Variants in SVEP1 observed in about 807,000 individuals in gnomAD.
SVEP1 encodes the protein sushi, von Willebrand factor type A, EGF and pentraxin domain-containing protein 1.
In SVEP1, 164 loss-of-function variants were observed where a neutral mutation model predicts 367.3. That is an observed-to-expected ratio of 0.45 (90% confidence interval 0.39 to 0.51). The LOEUF is 0.51. Among genes scored for constraint, SVEP1 ranks in the 20% least tolerant of loss-of-function variants. The pLI, the probability that SVEP1 is intolerant of heterozygous loss-of-function variation, is 0.00. For missense variants in SVEP1, 4,117 were observed against 4,425.3 expected (o/e 0.93, Z 1.98); for synonymous variants, 1,666 against 1,611.6 (o/e 1.03, Z -0.81).
Position 110,411,744 on chromosome 9 carries a change from T to C in SVEP1, c.5976-9A>G, listed in dbSNP as rs775384620. The C allele has an allele frequency of 4.0e-6, 6 of 1,505,330 alleles. No homozygotes were observed. The highest frequency in any genetic ancestry group is 1.3e-5 in the South Asian group (1 of 76,348). The allele number at this position is 1,505,330 out of a possible 1,614,324, so 93.2% of individuals were successfully genotyped here. ...GACCAGCAAGAGTATAGCTGTGAGGTTGGGAAGAAAGAAAGAATAACTAAG... is the reference window on the plus strand; with the variant it reads ...GACCAGCAAGAGTATAGCTGTGAGGCTGGGAAGAAAGAAAGAATAACTAAG... On this transcript the variant is annotated splice_polypyrimidine_tract_variant and intron_variant, in intron 36 of 47. Coordinates refer to ENST00000374469, the MANE Select transcript of SVEP1 (RefSeq NM_153366.4).
intron 43 of SVEP1, among the ~76,000 whole-genome samples, chr9:110,380,924 A>C (rs76332879): frequency 6.6e-6 from 1 of 151,992 alleles, no homozygotes; most frequent in Non-Finnish European, 1.5e-5. Flanking sequence ...TTGGAAGGGT[A>C]TATCTGTCTA....
At chr9:110,571,079 C>A (rs191067568) in intron 1 of SVEP1, among the ~76,000 whole-genome samples, 2 of 149,688 alleles carry the variant, frequency 1.3e-5, no homozygotes, top group African/African-American at 4.9e-5. Context: ...CAGGTTCAAG[C>A]GATTTTCCTG....
chr9:110,394,024 C>T (rs142040882), intron 40 of SVEP1, among the ~76,000 whole-genome samples: 9,001 of 152,274 alleles, frequency 0.059, 363 homozygotes, highest in African/African-American at 0.11. Context: ...TCTCCCAGCA[C>T]GCAGCTTGAG....
Position 110,408,243 on chromosome 9 carries a change from C to A in SVEP1, c.7357G>T (p.Val2453Leu). ...PEEIPNGIID[V>L]QGLAYLSTAL... ...GTGCTGAGATAGGCAAGGCCTTGCA[C>A]ATCAATGATTCCATTGGGGATTTCC... Residue 2453 changes from valine (V) to leucine (L), a missense_variant, in exon 38 of 48, where the codon GTG becomes TTG. Physicochemically the swap from Val to Leu is conservative, Grantham distance 32. Around this residue, in one of 4 missense-constraint regions of SVEP1, gnomAD observed 1,765 missense variants for 1,781.1 expected, o/e 0.99. Transcript: ENST00000374469. The A allele has an allele frequency of 1.2e-6, 2 of 1,613,974 alleles. No individual in the cohort carries two copies. The highest frequency in any genetic ancestry group is 3.3e-4 in the Middle Eastern group (2 of 6,062).
In SVEP1 at chr9:110,432,700, G is replaced by C. The variant is rs1564141239; in HGVS notation, c.5060-65C>G. On this transcript the variant is annotated intron_variant, in intron 30 of 47. Transcript: ENST00000374469. ...AAAATACTCCAAGAACACTTTATTT[G>C]TATTAAACTAGCAGTTCAGTTAAGC... The C allele has an allele frequency of 5.3e-6, 8 of 1,514,770 alleles. No homozygotes were observed. In the South Asian group the frequency reaches 1.0e-4, roughly 20 times the overall value. 93.8% of individuals were successfully genotyped at this position (1,514,770 alleles called of 1,614,324 possible). A position where few individuals can be genotyped will look rare whatever the true frequency, so the allele number is the denominator to read the frequency against.
intron 45 of SVEP1, 30 bp from the exon 46 acceptor site, chr9:110,375,493 A>AGGCAGGGG: frequency 7.4e-7 from 1 of 1,351,014 alleles, no homozygotes; most frequent in African/African-American, 1.5e-5. Flanking sequence ...AAAAAAAAGG[A>AGGCAGGGG]GGCAGGGGGG....
At chr9:110,512,274 T>A (rs951030661) in intron 5 of SVEP1, among the ~76,000 whole-genome samples, 1 of 152,064 alleles carries the variant, frequency 6.6e-6, no homozygotes, top group African/African-American at 2.4e-5. Flanking sequence ...CTAACCCTAC[T>A]TGTAAAACCC....
At chr9:110,387,624 G>C (rs553858774) in intron 41 of SVEP1, among the ~76,000 whole-genome samples, 166 bp from the exon 42 acceptor site, 58 of 152,270 alleles carry the variant, frequency 3.8e-4, no homozygotes, top group African/African-American at 1.4e-3. Flanking sequence ...GCATACCTAA[G>C]TATTGGATTA....
intron 38 of SVEP1, among the ~76,000 whole-genome samples, chr9:110,404,869 A>T (rs1000469260): frequency 5.3e-5 from 8 of 152,002 alleles, no homozygotes; most frequent in Admixed American, 3.3e-4. Flanking sequence ...TATAAAAAAT[A>T]AACAAAATTA....
chr9:110,376,443 C>A (rs1182316799), intron 45 of SVEP1, among the ~76,000 whole-genome samples: 1 of 152,184 alleles, frequency 6.6e-6, no homozygotes, highest in Non-Finnish European at 1.5e-5. Flanking sequence ...CTTTTTTAAT[C>A]ATTTGAGAAT....
At chr9:110,430,123 GGTGT>G in intron 33 of SVEP1, 119 bp from the exon 34 acceptor site, 3 of 919,376 alleles carry the variant, frequency 3.3e-6, no homozygotes, top group Non-Finnish European at 4.7e-6. Flanking sequence ...TTTTTTTTTT[GGTGT>G]GTGTGTGTGG....
At chr9:110,434,794 A>C (rs1828408912) in intron 29 of SVEP1, among the ~76,000 whole-genome samples, 3 of 151,910 alleles carry the variant, frequency 2.0e-5, no homozygotes, top group Admixed American at 1.3e-4. Flanking sequence ...TAAGAAACTC[A>C]TTTAAATAAA....
At position 110,408,656 on chromosome 9, in the gene SVEP1, T is replaced by C; in HGVS notation, c.6944A>G (p.Asn2315Ser). The stretch of plus-strand genomic sequence containing the variant: ...GCACTTGGCAGGCATGCACTTTGGA[T>C]TTGACTTCTTATTCCATTTGCCAGA... ...QKSGKWNKKS[N>S]PKCMPAKCPE... The change falls in exon 38 of 48, where the codon AAT becomes AGT. Residue 2315 changes from asparagine to serine, a missense_variant. By Grantham distance (46) the Asn-to-Ser change is conservative. Coordinates refer to ENST00000374469, the MANE Select transcript of SVEP1 (RefSeq NM_153366.4). 6.2e-7 allele frequency: 1 copy of C among 1,613,994 alleles called. No homozygotes were observed. Among genetic ancestry groups the C allele is most frequent in the Non-Finnish European group, 8.5e-7 (1 of 1,179,898 alleles).
intron 20 of SVEP1, chr9:110,458,172 G>T: frequency 1.7e-6 from 1 of 576,880 alleles, no homozygotes. Flanking sequence ...CTCAAATGAT[G>T]GGTTGTGCTT....
intron 17 of SVEP1, among the ~76,000 whole-genome samples, chr9:110,467,807 TG>T (rs1828960886): frequency 6.6e-6 from 1 of 152,038 alleles, no homozygotes; most frequent in Admixed American, 6.5e-5. Flanking sequence ...GGCTAATTTT[TG>T]TATTTTTTGT....
chr9:110,404,689 C>T, intron 38 of SVEP1, 137 bp from the exon 39 acceptor site: 1 of 803,254 alleles, frequency 1.2e-6, no homozygotes, highest in Admixed American at 2.2e-5. Context: ...ATCAATATGT[C>T]AGGCGGATGG....
At chr9:110,386,166 G>A (rs1011884076) in intron 42 of SVEP1, 92 bp from the exon 43 acceptor site, 1 of 1,367,820 alleles carries the variant, frequency 7.3e-7, no homozygotes, top group Admixed American at 2.5e-5. Context: ...ATAAGAGATG[G>A]GTTCTCAATA....
chr9:110,449,525 A>G (rs536566277), intron 24 of SVEP1, among the ~76,000 whole-genome samples: 1 of 152,220 alleles, frequency 6.6e-6, no homozygotes, highest in South Asian at 2.1e-4. Flanking sequence ...TCTACTAAAA[A>G]TACAAAAGTT....
At chr9:110,476,386 C>T in intron 13 of SVEP1, 71 bp from the exon 14 acceptor site, 1 of 1,169,588 alleles carries the variant, frequency 8.6e-7, no homozygotes, top group Admixed American at 1.8e-5. Context: ...CACTTTGCTC[C>T]CCTGGCCTTC....
Sources: gnomAD v4.1 joint callset for allele counts (sites outside exome capture counted in the v4.1 genomes callset) on GRCh38, gnomAD v4.1.1 for gene constraint, gnomAD v4.1.1 regional missense constraint, MANE v1.5 for transcripts, NCBI Gene and HGNC (gene_info 2026-07-23, HGNC 2026-07-21) for gene names.